Variants in SKAP2 observed in about 807,000 individuals in gnomAD.
The protein encoded by SKAP2 is src kinase-associated phosphoprotein 2.
A neutral mutation model predicts 54.9 loss-of-function variants in SKAP2; 28 were observed. The ratio of observed to expected loss-of-function variants is 0.51; its 90% CI spans 0.38 to 0.70. The LOEUF is 0.70. Among genes scored for constraint, SKAP2 ranks in the 30% least tolerant of loss-of-function variants. The probability of loss-of-function intolerance (pLI) is 0.00; values close to 1 mark genes in which losing one functional copy is unlikely to be tolerated. For synonymous variants in SKAP2, 137 were observed against 134.3 expected (o/e 1.02, Z -0.14); for missense variants, 356 against 424.1 (o/e 0.84, Z 1.41).
At chr7:26,690,754 A>G (rs570863347) in intron 9 of SKAP2, among the ~76,000 whole-genome samples, 2 of 152,332 alleles carry the variant, frequency 1.3e-5, no homozygotes, top group East Asian at 1.9e-4. Flanking sequence ...TAAATCCAGT[A>G]AAGTAACACC....
intron 6 of SKAP2, among the ~76,000 whole-genome samples, chr7:26,731,197 T>C (rs1038686012): frequency 1.2e-4 from 18 of 152,318 alleles, no homozygotes; most frequent in African/African-American, 4.3e-4. Flanking sequence ...AACACAGAAT[T>C]GGCTACCACT....
intron 6 of SKAP2, among the ~76,000 whole-genome samples, chr7:26,733,655 G>A (rs1787866119): frequency 6.6e-6 from 1 of 152,018 alleles, no homozygotes; most frequent in Non-Finnish European, 1.5e-5. Context: ...GGGAGAGCAG[G>A]GAGGTAAATT....
In SKAP2 at chr7:26,788,978, A is replaced by G. The variant is rs535766812; in HGVS notation, c.308-49014T>C. ...CTACCATTGATGTAGAAACAGTATA[A>G]TACTCTGTGAGCTAATGCCACAAAA... On this transcript the variant is annotated intron_variant, in intron 4 of 12. Transcript: ENST00000345317. Among the ~76,000 whole-genome samples the G allele has an allele frequency of 3.9e-5, 6 of 152,290 alleles. No individual in the cohort carries two copies. The East Asian group carries it at 9.6e-4, about 24-fold the overall frequency.
At chr7:26,782,344 G>A (rs1289707547) in intron 4 of SKAP2, among the ~76,000 whole-genome samples, 4 of 152,134 alleles carry the variant, frequency 2.6e-5, no homozygotes, top group Admixed American at 6.5e-5. Context: ...TTTATAATAC[G>A]TAAATATTAT....
intron 4 of SKAP2, among the ~76,000 whole-genome samples, chr7:26,837,423 A>G (rs1238010355): frequency 6.6e-6 from 1 of 152,142 alleles, no homozygotes; most frequent in Non-Finnish European, 1.5e-5. Flanking sequence ...GCTTCTGAGA[A>G]AGCCTCAGGA....
At position 26,756,484 on chromosome 7, in the gene SKAP2, A is replaced by C. The variant is rs7807847; in HGVS notation, c.308-16520T>G. ...AGAATGATGGTTTCCAGCTTCATCC[A>C]TGTCCCTACAAAGGACATGAACTCA... On this transcript the variant is annotated intron_variant, in intron 4 of 12. Transcript: ENST00000345317. Among the ~76,000 whole-genome samples the C allele has an allele frequency of 4.8e-3, 725 of 152,004 alleles. 2 individuals carry two copies. Among genetic ancestry groups the C allele is most frequent in the Non-Finnish European group, 7.4e-3 (505 of 67,940 alleles).
intron 4 of SKAP2, among the ~76,000 whole-genome samples, chr7:26,748,928 A>C (rs993541869): frequency 6.6e-6 from 1 of 152,138 alleles, no homozygotes; most frequent in Non-Finnish European, 1.5e-5. Context: ...TGATTTCATT[A>C]AGCTTTAGTT....
chr7:26,769,149 T>G (rs1783126709), intron 4 of SKAP2, among the ~76,000 whole-genome samples: 1 of 152,190 alleles, frequency 6.6e-6, no homozygotes, highest in African/African-American at 2.4e-5. Flanking sequence ...GAGGCTTTGT[T>G]CCTTTTCATT....
At chr7:26,858,091 C>T (rs1785210816) in intron 1 of SKAP2, 1 of 152,236 alleles carries the variant, frequency 6.6e-6, no homozygotes, top group African/African-American at 2.4e-5. Flanking sequence ...AACTCACACT[C>T]TCACGCATAC....
chr7:26,675,783 A>G (rs932057598), intron 11 of SKAP2, among the ~76,000 whole-genome samples: 2 of 152,218 alleles, frequency 1.3e-5, no homozygotes, highest in African/African-American at 4.8e-5. Context: ...GGCGATCTGA[A>G]GGAGCATGCT....
At chr7:26,822,934 A>G (rs954063477) in intron 4 of SKAP2, among the ~76,000 whole-genome samples, 16 of 152,096 alleles carry the variant, frequency 1.1e-4, no homozygotes, top group Admixed American at 5.9e-4. Flanking sequence ...AGTGAAAGAA[A>G]GAGTTCCACA....
chr7:26,775,170 C>A (rs1783277396), intron 4 of SKAP2, among the ~76,000 whole-genome samples: 1 of 152,096 alleles, frequency 6.6e-6, no homozygotes, highest in East Asian at 1.9e-4. Flanking sequence ...CAACCTTATA[C>A]TTTTCCTCCT....
chr7:26,699,350 T>TAATA (rs1172113689), intron 9 of SKAP2, among the ~76,000 whole-genome samples: 1 of 152,190 alleles, frequency 6.6e-6, no homozygotes, highest in Non-Finnish European at 1.5e-5. Flanking sequence ...GAAACTCTAT[T>TAATA]GTCTTCTACC....
the SKAP2 span, among the ~76,000 whole-genome samples, chr7:26,661,310 T>C: frequency 6.6e-6 from 1 of 152,122 alleles, no homozygotes; most frequent in Non-Finnish European, 1.5e-5. Context: ...AATAAAATTG[T>C]GTCACTCCTA....
At chr7:26,772,938 A>G (rs1295582052) in intron 4 of SKAP2, among the ~76,000 whole-genome samples, 1 of 152,246 alleles carries the variant, frequency 6.6e-6, no homozygotes, top group Non-Finnish European at 1.5e-5. Context: ...GAGTCCAGTG[A>G]GATCGCTAAC....
intron 4 of SKAP2, among the ~76,000 whole-genome samples, chr7:26,796,648 T>G (rs1223264945): frequency 6.6e-6 from 1 of 152,254 alleles, no homozygotes; most frequent in Non-Finnish European, 1.5e-5. Flanking sequence ...ATAGATGATA[T>G]CAACTTGTGG....
chr7:26,707,066 A>C (rs894800791), intron 9 of SKAP2, among the ~76,000 whole-genome samples: 4 of 152,228 alleles, frequency 2.6e-5, no homozygotes, highest in Non-Finnish European at 5.9e-5. Flanking sequence ...CTTCTTGTCA[A>C]GAAGTAATTA....
chr7:26,717,118 G>C (rs959598385), intron 9 of SKAP2, among the ~76,000 whole-genome samples: 3 of 152,086 alleles, frequency 2.0e-5, no homozygotes, highest in Non-Finnish European at 4.4e-5. Flanking sequence ...CAATCTACTA[G>C]TCACAGATAC....
At chr7:26,817,203 T>C (rs1178641506) in intron 4 of SKAP2, among the ~76,000 whole-genome samples, 6 of 152,170 alleles carry the variant, frequency 3.9e-5, no homozygotes, top group Admixed American at 1.3e-4. Flanking sequence ...AATGTGTTTA[T>C]AGTCTCAGAG....
Sources: gnomAD v4.1 joint callset for allele counts (sites outside exome capture counted in the v4.1 genomes callset) on GRCh38, gnomAD v4.1.1 for gene constraint, MANE v1.5 for transcripts, NCBI Gene and HGNC (gene_info 2026-07-23, HGNC 2026-07-21) for gene names.